The following RABGAP1L variants were observed in gnomAD, a reference collection of about 807,000 sequenced individuals.
The protein encoded by RABGAP1L is RAB GTPase activating protein 1 like.
RABGAP1L carries 63 observed loss-of-function variants against 137.7 expected under a neutral mutation model. The observed-to-expected ratio is 0.46, with a 90% CI of 0.37 to 0.56. The LOEUF is 0.56. Ranked by LOEUF, RABGAP1L falls within the 20% of genes least tolerant of loss-of-function variation. RABGAP1L has a pLI of 0.00. For missense variants in RABGAP1L, 1,095 were observed against 1,244.0 expected, an observed-to-expected ratio of 0.88 and a Z score of 1.80; for synonymous variants, 431 against 433.7, an observed-to-expected ratio of 0.99 and a Z score of 0.08.
At chr1:174,986,386 C>T (rs958792115) in intron 24 of RABGAP1L, among the ~76,000 whole-genome samples, 1 of 152,168 alleles carries the variant, frequency 6.6e-6, no homozygotes, top group African/African-American at 2.4e-5. Flanking sequence ...TTTAGAAGCT[C>T]CCCTCTAAAC....
chr1:174,822,678 T>C (rs1392739616), intron 19 of RABGAP1L, among the ~76,000 whole-genome samples: 1 of 152,196 alleles, frequency 6.6e-6, no homozygotes, highest in African/African-American at 2.4e-5. Context: ...CACGCTCCTA[T>C]GAAAATCTAA....
At chr1:174,654,207 CA>C (rs978320168) in intron 14 of RABGAP1L, among the ~76,000 whole-genome samples, 1 of 152,208 alleles carries the variant, frequency 6.6e-6, no homozygotes, top group Non-Finnish European at 1.5e-5. Context: ...CTGCTGTGCT[CA>C]GTCACAGCTC....
At chr1:174,206,591 A>G (rs529481152) in intron 1 of RABGAP1L, among the ~76,000 whole-genome samples, 8 of 152,192 alleles carry the variant, frequency 5.3e-5, no homozygotes, top group African/African-American at 1.2e-4. Flanking sequence ...ACTCACCCTT[A>G]TATTTTTAGG....
At chr1:174,523,903 C>G (rs1315344693) in intron 13 of RABGAP1L, among the ~76,000 whole-genome samples, 1 of 152,110 alleles carries the variant, frequency 6.6e-6, no homozygotes, top group East Asian at 1.9e-4. Context: ...CTTTCTCTAC[C>G]TGGGTTATTT....
rs559669328 is a variant in RABGAP1L, at chr1:174,815,068, C to G, written c.2340+3108C>G. 2.6e-5 allele frequency among the ~76,000 whole-genome samples: 4 copies of G among 152,314 alleles called. No individual in the cohort carries two copies. In the East Asian group the frequency reaches 7.7e-4, roughly 29 times the overall value. On this transcript the variant is annotated intron_variant, in intron 19 of 25. Transcript: ENST00000681986. ...CCCAAACCAAAAGGCTGACCACAAC[C>G]CACTAAATCGATTTTACAATAGCTT... is the stretch of plus-strand genomic sequence containing the variant.
chr1:174,785,557 G>A (rs1418520967), intron 18 of RABGAP1L, among the ~76,000 whole-genome samples: 1 of 152,226 alleles, frequency 6.6e-6, no homozygotes, highest in African/African-American at 2.4e-5. Context: ...TAGCACACTT[G>A]CTGCTTAGGC....
intron 7 of RABGAP1L, among the ~76,000 whole-genome samples, chr1:174,268,186 A>G (rs1171998249): frequency 1.3e-5 from 2 of 150,394 alleles, no homozygotes; most frequent in African/African-American, 2.4e-5. Context: ...CCTTTCTATT[A>G]TGCTGTCACT....
chr1:174,437,780 A>T (rs1224284112), intron 13 of RABGAP1L, among the ~76,000 whole-genome samples: 6 of 152,194 alleles, frequency 3.9e-5, no homozygotes, highest in Admixed American at 3.3e-4. Flanking sequence ...GATTTACCAC[A>T]GTGGAAATGA....
At chr1:174,775,304 C>G (rs1686434058) in intron 18 of RABGAP1L, among the ~76,000 whole-genome samples, 1 of 134,800 alleles carries the variant, frequency 7.4e-6, no homozygotes, top group Admixed American at 8.6e-5. Flanking sequence ...TTTATGGAAC[C>G]AGGAGAAAAC....
At position 174,761,266 on chromosome 1, in the gene RABGAP1L, T is replaced by C. The variant is rs1685195898; in HGVS notation, c.2211+8912T>C. ...TAAAAGTAAACTTTAATGTCAAAAA[T>C]GCAAACTTGAGGAGGCCAGAAAGAT... On this transcript the variant is annotated intron_variant, in intron 18 of 25. Coordinates refer to ENST00000681986, the MANE Select transcript of RABGAP1L (RefSeq NM_001366446.1). The surrounding 1 kb of genome is among the most constrained non-coding windows in gnomAD (Gnocchi z 4.0). Among the ~76,000 whole-genome samples the C allele has an allele frequency of 6.6e-6, 1 of 152,236 alleles. No individual in the cohort carries two copies. The highest frequency in any genetic ancestry group is 2.1e-4 in the South Asian group (1 of 4,834).
At chr1:174,315,759 A>G (rs917053450) in intron 11 of RABGAP1L, among the ~76,000 whole-genome samples, 7 of 151,590 alleles carry the variant, frequency 4.6e-5, no homozygotes, top group East Asian at 1.9e-4. Context: ...TTGGTGTTCT[A>G]TAACCTTCTT....
intron 5 of RABGAP1L, chr1:174,246,386 G>A (rs1672264736): frequency 6.6e-6 from 1 of 152,180 alleles, no homozygotes; most frequent in Admixed American, 6.5e-5. Flanking sequence ...GTTTTAATAA[G>A]TGTGACATGT....
intron 11 of RABGAP1L, among the ~76,000 whole-genome samples, chr1:174,364,439 A>G (rs1274336873): frequency 6.7e-6 from 1 of 149,632 alleles, no homozygotes; most frequent in Non-Finnish European, 1.5e-5. Flanking sequence ...TATTTTTAGT[A>G]GAGACGGGGT....
At chr1:174,467,284 A>G (rs1657407395) in intron 13 of RABGAP1L, among the ~76,000 whole-genome samples, 1 of 152,068 alleles carries the variant, frequency 6.6e-6, no homozygotes, top group African/African-American at 2.4e-5. Flanking sequence ...AAAGCTTAAA[A>G]TTTGTCTTCT....
intron 1 of RABGAP1L, among the ~76,000 whole-genome samples, chr1:174,206,389 G>T (rs1041663084): frequency 6.6e-6 from 1 of 152,076 alleles, no homozygotes; most frequent in African/African-American, 2.4e-5. Flanking sequence ...CAAAAGTCAT[G>T]GTAATTTTTT....
In RABGAP1L at chr1:174,448,249, T is replaced by G; in HGVS notation, c.1710+54104T>G. 1 of 1,614,054 alleles carries G rather than the reference T, an allele frequency of 6.2e-7. No homozygotes were observed. The highest frequency in any genetic ancestry group is 8.5e-7 in the Non-Finnish European group (1 of 1,179,942). ...ATGTCTGCATCTTCGAGACAGTGGTTATTGTGTTGCTGACATTTCTGATCA... is the reference window on the plus strand; with the variant it reads ...ATGTCTGCATCTTCGAGACAGTGGTGATTGTGTTGCTGACATTTCTGATCA... On this transcript the variant is annotated intron_variant, in intron 13 of 25. Transcript: ENST00000681986. The surrounding 1 kb of genome is among the most constrained non-coding windows in gnomAD (Gnocchi z 4.2).
chr1:174,305,102 A>T lies in RABGAP1L; in HGVS notation c.1440A>T (p.Ser480=), dbSNP rs754325776. Residue 480 remains serine (S), a synonymous_variant, in exon 11 of 26, where the codon TCA becomes TCT. Transcript: ENST00000681986. ...VTPTSGGGPM[S]PQDDEAEEES... ...CTACTAGTGGAGGGGGTCCAATGTC[A>T]CCCCAGGATGATGAAGCAGAAGAGG... 10 of 1,540,990 alleles carry T rather than the reference A, an allele frequency of 6.5e-6. No homozygotes were observed. Among genetic ancestry groups the T allele is most frequent in the Non-Finnish European group, 6.1e-6 (7 of 1,153,516 alleles).
chr1:174,367,497 A>C (rs1443635406), intron 11 of RABGAP1L: 2 of 191,204 alleles, frequency 1.0e-5, no homozygotes, highest in Non-Finnish European at 2.2e-5. Context: ...GTTACCTGTG[A>C]AGTGTCTTTC....
At chr1:174,376,109 AAGG>A (rs919248461) in intron 12 of RABGAP1L, among the ~76,000 whole-genome samples, 4 of 151,376 alleles carry the variant, frequency 2.6e-5, no homozygotes, top group African/African-American at 9.7e-5. Flanking sequence ...GGAAAGAAGG[AAGG>A]AGAGAAAGAC....
Sources: allele counts gnomAD v4.1 joint callset (sites outside exome capture counted in the v4.1 genomes callset), GRCh38; gene constraint gnomAD v4.1.1; non-coding constraint Gnocchi (gnomAD v3.1); transcripts MANE v1.5; gene names NCBI Gene and HGNC (gene_info 2026-07-23, HGNC 2026-07-21).